Variants in GPR139 observed in about 807,000 individuals in gnomAD.
GPR139 encodes the protein G protein-coupled receptor 139.
A neutral mutation model predicts 25.8 loss-of-function variants in GPR139; 12 were observed. The ratio of observed to expected loss-of-function variants is 0.47; its 90% confidence interval spans 0.30 to 0.75. The LOEUF (loss-of-function observed/expected upper bound fraction) is 0.75. Ranked by LOEUF, GPR139 falls within the 30% of genes least tolerant of loss-of-function variation. GPR139 has a pLI of 0.07. For synonymous variants in GPR139, 184 were observed against 179.9 expected (o/e 1.02, Z -0.18); for missense variants, 380 against 450.2 (o/e 0.84, Z 1.41).
chr16:20,042,031 C>T (rs146291648), intron 1 of GPR139, among the ~76,000 whole-genome samples: 1,552 of 152,284 alleles, frequency 0.01, 35 homozygotes, highest in African/African-American at 0.035. Flanking sequence ...GCTAAGAGTA[C>T]GCTGTCTGGA....
intron 1 of GPR139, among the ~76,000 whole-genome samples, chr16:20,067,094 A>C (rs1483878928): frequency 6.6e-6 from 1 of 152,228 alleles, no homozygotes; most frequent in East Asian, 1.9e-4. Flanking sequence ...ATTTAAATCC[A>C]CATCCAGTTC....
At position 20,060,274 on chromosome 16, in the gene GPR139, C is replaced by T. The variant is rs115454126; in HGVS notation, c.127+13216G>A. Among the ~76,000 whole-genome samples, 259 of 151,380 alleles carry T rather than the reference C, an allele frequency of 1.7e-3. 4 individuals are homozygous for T. The highest frequency in any genetic ancestry group is 5.9e-3 in the African/African-American group (244 of 41,268). ...TGTGTGTGCGTGTGTGTGTGTGGTG[C>T]ATGTGTGCATCTGTGTGTCTATATG... On this transcript the variant is annotated intron_variant, in intron 1 of 1. Transcript: ENST00000570682.
chr16:20,063,643 A>G (rs2057421749), intron 1 of GPR139, among the ~76,000 whole-genome samples: 1 of 152,220 alleles, frequency 6.6e-6, no homozygotes, highest in Non-Finnish European at 1.5e-5. Flanking sequence ...GACTTGTACC[A>G]CCTAAAATAA....
At chr16:20,044,221 A>C (rs2057346344) in intron 1 of GPR139, among the ~76,000 whole-genome samples, 1 of 152,202 alleles carries the variant, frequency 6.6e-6, no homozygotes, top group African/African-American at 2.4e-5. Context: ...AAGCACTGGC[A>C]ATTCTAGGAA....
intron 1 of GPR139, among the ~76,000 whole-genome samples, chr16:20,043,879 G>C (rs1379190086): frequency 6.6e-6 from 1 of 152,174 alleles, no homozygotes. Flanking sequence ...AGTTACTAGA[G>C]AGGAGAGGAT....
At chr16:20,042,427 C>A (rs2057339562) in intron 1 of GPR139, among the ~76,000 whole-genome samples, 1 of 152,132 alleles carries the variant, frequency 6.6e-6, no homozygotes, top group South Asian at 2.1e-4. Flanking sequence ...GCACTAACAA[C>A]CCTGTTAACC....
rs370987620 is a variant in GPR139, at chr16:20,073,621, G to T, written c.-5C>A. 2 of 1,591,016 alleles carry T rather than the reference G, an allele frequency of 1.3e-6. No homozygotes were observed. Among genetic ancestry groups the T allele is most frequent in the South Asian group, 1.1e-5 (1 of 87,974 alleles). ...GTGGGCGTGCGTGTGCTCCATGAGC[G>T]CGCCCCTCGCTCCCCTTGCCGCTTC... On this transcript the variant is annotated 5_prime_UTR_variant, in exon 1 of 2. Transcript: ENST00000570682. The surrounding 1 kb of genome is among the most constrained non-coding windows in gnomAD (Gnocchi z 4.7).
At chr16:20,057,202 C>A (rs990354614) in intron 1 of GPR139, among the ~76,000 whole-genome samples, 5 of 152,190 alleles carry the variant, frequency 3.3e-5, no homozygotes, top group African/African-American at 7.2e-5. Context: ...CGCATCTCAG[C>A]TCTGCTGCTC....
At chr16:20,055,171 A>C (rs1253962542) in intron 1 of GPR139, among the ~76,000 whole-genome samples, 3 of 152,166 alleles carry the variant, frequency 2.0e-5, no homozygotes, top group African/African-American at 7.2e-5. Context: ...CTCATAATTT[A>C]GCTTCCACTT....
chr16:20,036,236 G>C (rs113223846), intron 1 of GPR139, among the ~76,000 whole-genome samples: 47 of 152,166 alleles, frequency 3.1e-4, no homozygotes, highest in Non-Finnish European at 6.3e-4. Context: ...AACCCAAGCT[G>C]TAAAGAGGTT....
chr16:20,029,484 A>AATATAT lies in GPR139; in HGVS notation c.*2245_*2250dup, dbSNP rs59809855. On this transcript the variant is annotated 3_prime_UTR_variant, in exon 2 of 2. Transcript: ENST00000570682. ...TACATGTTTAAAAAATAAATAAATA[A>AATATAT]ATATATATATATATATATATTCAGT... Among the ~76,000 whole-genome samples the AATATAT allele has an allele frequency of 6.9e-6, 1 of 144,080 alleles. No individual in the cohort carries two copies. Among genetic ancestry groups the AATATAT allele is most frequent in the Non-Finnish European group, 1.5e-5 (1 of 64,660 alleles). 94.5% of individuals were successfully genotyped at this position (144,080 alleles called of 152,430 possible).
chr16:20,051,864 G>A (rs972883976), intron 1 of GPR139, among the ~76,000 whole-genome samples: 1 of 152,118 alleles, frequency 6.6e-6, no homozygotes, highest in African/African-American at 2.4e-5. Context: ...ATGCCTTCTC[G>A]GCTCAGTGGT....
At chr16:20,041,700 T>C (rs2057337061) in intron 1 of GPR139, among the ~76,000 whole-genome samples, 1 of 152,184 alleles carries the variant, frequency 6.6e-6, no homozygotes, top group African/African-American at 2.4e-5. Flanking sequence ...TCCCCAGGGC[T>C]GCTGTCCCAC....
Position 20,031,855 on chromosome 16 carries a change from G to A in GPR139, c.942C>T (p.Tyr314=), listed in dbSNP as rs1454055588. The change falls in exon 2 of 2, where the codon TAC becomes TAT. Residue 314 remains tyrosine, a synonymous_variant. Coordinates refer to ENST00000570682, the MANE Select transcript of GPR139 (RefSeq NM_001002911.4). The part of the protein sequence containing the change: ...FKCQKQPVQF[Y]TNHNFSITSS... Reference sequence around the variant, plus strand: ...TTGTTATGGAAAAGTTATGATTGGTGTAGAACTGTACAGGTTGCTTCTGGC... The same window carrying A: ...TTGTTATGGAAAAGTTATGATTGGTATAGAACTGTACAGGTTGCTTCTGGC... The A allele has an allele frequency of 6.2e-7, 1 of 1,614,262 alleles. No homozygotes were observed. Among genetic ancestry groups the A allele is most frequent in the Non-Finnish European group, 8.5e-7 (1 of 1,180,032 alleles).
intron 1 of GPR139, among the ~76,000 whole-genome samples, chr16:20,054,581 T>A (rs1347451129): frequency 6.7e-6 from 1 of 149,096 alleles, no homozygotes; most frequent in East Asian, 2.0e-4. Flanking sequence ...TACAACGTTC[T>A]TTTTTTTTTA....
intron 1 of GPR139, among the ~76,000 whole-genome samples, chr16:20,058,940 G>A (rs2057400995): frequency 6.6e-6 from 1 of 152,148 alleles, no homozygotes; most frequent in Non-Finnish European, 1.5e-5. Context: ...CGAGAGCCCG[G>A]CACAGACGTC....
At chr16:20,052,670 A>G (rs547875641) in intron 1 of GPR139, among the ~76,000 whole-genome samples, 1 of 151,834 alleles carries the variant, frequency 6.6e-6, no homozygotes, top group South Asian at 2.1e-4. Flanking sequence ...GGTGGCGGGC[A>G]CCAGTAGTCC....
intron 1 of GPR139, among the ~76,000 whole-genome samples, chr16:20,038,320 A>AAT (rs201142021): frequency 0.012 from 1,352 of 110,346 alleles, 13 homozygotes; most frequent in South Asian, 0.03. Flanking sequence ...GTTCCTGGAT[A>AAT]ATATATATAT....
rs1321416323 is a variant in GPR139 at position 20,029,808 on chromosome 16, A to G, written c.*1927T>C. Among the ~76,000 whole-genome samples the G allele has an allele frequency of 6.6e-6, 1 of 152,192 alleles. No individual in the cohort carries two copies. The highest frequency in any genetic ancestry group is 2.4e-5 in the African/African-American group (1 of 41,454). On this transcript the variant is annotated 3_prime_UTR_variant, in exon 2 of 2. Coordinates refer to ENST00000570682, the MANE Select transcript of GPR139 (RefSeq NM_001002911.4). ...GTTCTCAGATACATTAGAATCACAC[A>G]ATATGGTCCCTAAATGAGAGCCAAT... is the stretch of plus-strand genomic sequence containing the variant.
Sources: allele counts gnomAD v4.1 joint callset (sites outside exome capture counted in the v4.1 genomes callset), GRCh38; gene constraint gnomAD v4.1.1; non-coding constraint Gnocchi (gnomAD v3.1); transcripts MANE v1.5; gene names NCBI Gene and HGNC (gene_info 2026-07-23, HGNC 2026-07-21).